The following TG variants were observed in gnomAD, a reference collection of about 807,000 sequenced individuals.
TG encodes the protein thyroid hormones.
In TG, 270 loss-of-function variants were observed where a neutral mutation model predicts 324.7. The observed-to-expected ratio is 0.83, with a 90% CI of 0.75 to 0.92. The LOEUF (loss-of-function observed/expected upper bound fraction) is 0.92, where lower values mean the gene tolerates loss of function less well. Among genes scored for constraint, TG ranks in the 40% least tolerant of loss-of-function variants. The pLI, the probability that TG is intolerant of heterozygous loss-of-function variation, is 0.00. For missense variants in TG, 3,591 were observed against 3,456.4 expected, an observed-to-expected ratio of 1.04 and a Z score of -0.98; for synonymous variants, 1,401 against 1,327.0, an observed-to-expected ratio of 1.06 and a Z score of -1.21.
intron 41 of TG, among the ~76,000 whole-genome samples, chr8:133,044,376 G>T (rs768398161): frequency 3.9e-5 from 6 of 152,048 alleles, no homozygotes; most frequent in Non-Finnish European, 7.4e-5. Flanking sequence ...GGAGAATTCA[G>T]ACCTCTCTCC....
At chr8:132,902,351 G>T (rs559537660) in intron 16 of TG, among the ~76,000 whole-genome samples, 18 of 152,084 alleles carry the variant, frequency 1.2e-4, no homozygotes, top group African/African-American at 4.1e-4. Flanking sequence ...ATTTAATTGG[G>T]TCTAGTGATA....
At chr8:133,056,117 T>G (rs1841405297) in intron 41 of TG, among the ~76,000 whole-genome samples, 2 of 152,222 alleles carry the variant, frequency 1.3e-5, no homozygotes, top group Non-Finnish European at 2.9e-5. Flanking sequence ...CACTCAGGTC[T>G]CCTTTGACAT....
intron 38 of TG, among the ~76,000 whole-genome samples, chr8:133,018,203 A>G (rs1351359032): frequency 1.3e-5 from 2 of 151,988 alleles, no homozygotes; most frequent in African/African-American, 4.8e-5. Flanking sequence ...GCTCATGTAA[A>G]GCCCATCAGG....
chr8:132,928,540 G>A (rs952739802), intron 22 of TG, among the ~76,000 whole-genome samples: 1 of 152,132 alleles, frequency 6.6e-6, no homozygotes, highest in African/African-American at 2.4e-5. Context: ...CTATCAAATG[G>A]AACTCAAGTG....
chr8:132,988,148 A>T (rs1228306559), intron 35 of TG, among the ~76,000 whole-genome samples: 1 of 151,876 alleles, frequency 6.6e-6, no homozygotes, highest in Non-Finnish European at 1.5e-5. Context: ...TCTAGACTCG[A>T]AAGTCCATCT....
intron 43 of TG, chr8:133,106,360 A>G (rs1437611950): frequency 5.1e-6 from 5 of 975,250 alleles, no homozygotes; most frequent in Middle Eastern, 5.2e-4. Context: ...CCTGGGGCCA[A>G]TGCAAGGACA....
At chr8:132,972,254 T>A in intron 33 of TG, 1 of 457,462 alleles carries the variant, frequency 2.2e-6, no homozygotes. Flanking sequence ...TTAATCTCCC[T>A]GAGCCTCTGT....
chr8:133,055,530 C>T (rs1340753444), intron 41 of TG, among the ~76,000 whole-genome samples: 1 of 152,092 alleles, frequency 6.6e-6, no homozygotes, highest in Admixed American at 6.6e-5. Context: ...ATGTAAAGGG[C>T]TGTGTTTGAG....
At chr8:133,038,941 A>C (rs954670978) in intron 41 of TG, among the ~76,000 whole-genome samples, 1 of 152,148 alleles carries the variant, frequency 6.6e-6, no homozygotes, top group Admixed American at 6.5e-5. Context: ...GCAGTGGTGC[A>C]ATCTCTGCTC....
chr8:133,013,578 C>G (rs1257903811), intron 36 of TG, 22 bp from the exon 37 acceptor site: 1 of 1,613,962 alleles, frequency 6.2e-7, no homozygotes, highest in South Asian at 1.1e-5. Flanking sequence ...CCAAGCATCA[C>G]TCTTCTCCCT....
Position 132,896,646 on chromosome 8 carries a change from A to G in TG, c.3002-1003A>G, listed in dbSNP as rs190830103. ...ACTGGGCCTGGTAAGACCCACACCA[A>G]ACTGATGTGTGTCCCACCCGCTGCC... On this transcript the variant is annotated intron_variant, in intron 11 of 47. Transcript: ENST00000220616. Among the ~76,000 whole-genome samples, 75 of 152,262 alleles carry G rather than the reference A, an allele frequency of 4.9e-4. 1 individual carries two copies. Among genetic ancestry groups the G allele is most frequent in the Middle Eastern group, 3.4e-3 (1 of 294 alleles).
intron 16 of TG, among the ~76,000 whole-genome samples, chr8:132,904,898 T>G (rs1016339992): frequency 4.6e-5 from 7 of 152,132 alleles, no homozygotes; most frequent in Admixed American, 1.3e-4. Flanking sequence ...AGCACACTGG[T>G]GGAGGATGTG....
Position 132,959,543 on chromosome 8 carries a change from G to A in TG, c.5402-1465G>A, listed in dbSNP as rs149051636. Among the ~76,000 whole-genome samples the A allele has an allele frequency of 6.0e-4, 92 of 152,240 alleles. No homozygotes were observed. In the East Asian group the frequency reaches 9.1e-3, roughly 15 times the overall value. On this transcript the variant is annotated intron_variant, in intron 27 of 47. Coordinates refer to ENST00000220616, the MANE Select transcript of TG (RefSeq NM_003235.5). ...ATATGTAAATAAAAGTATATAGAGCGTCTAGGCTTATGTAAGTACGCCCTA... is the reference window on the plus strand; with the variant it reads ...ATATGTAAATAAAAGTATATAGAGCATCTAGGCTTATGTAAGTACGCCCTA...
chr8:132,957,669 G>T (rs997499183), intron 27 of TG, among the ~76,000 whole-genome samples: 1 of 151,392 alleles, frequency 6.6e-6, no homozygotes, highest in South Asian at 2.1e-4. Context: ...AGGGGCAGGC[G>T]TGGGGATGTG....
chr8:132,886,639 C>T lies in TG; in HGVS notation c.1267C>T (p.Arg423Cys), dbSNP rs201039438. The change falls in exon 9 of 48, where the codon CGC becomes TGC. Residue 423 changes from arginine (R) to cysteine (C), a missense_variant. By Grantham distance (180) the Arg-to-Cys change is radical (BLOSUM62 -3). Coordinates refer to ENST00000220616, the MANE Select transcript of TG (RefSeq NM_003235.5). ...GCTCTTTGTGGACTCTGGGCTTCTC[C>T]GCCCAATGGTGGAGGGACAGAGCCA... ...KELFVDSGLL[R>C]PMVEGQSQQF... 191 of 1,614,190 alleles carry T rather than the reference C, an allele frequency of 1.2e-4. No individual in the cohort carries two copies. Among genetic ancestry groups the T allele is most frequent in the Non-Finnish European group, 1.4e-4 (164 of 1,180,042 alleles).
At chr8:132,979,099 T>C (rs1448488382) in intron 34 of TG, among the ~76,000 whole-genome samples, 1 of 152,090 alleles carries the variant, frequency 6.6e-6, no homozygotes, top group Non-Finnish European at 1.5e-5. Flanking sequence ...AGAGGAACTG[T>C]TCTAAGCCTC....
chr8:132,923,754 G>C (rs186175885), intron 22 of TG, among the ~76,000 whole-genome samples: 1 of 152,156 alleles, frequency 6.6e-6, no homozygotes, highest in East Asian at 1.9e-4. Flanking sequence ...CAGATATCAG[G>C]AACCCTTACT....
chr8:133,072,448 G>GGATA (rs1204912887), intron 41 of TG, among the ~76,000 whole-genome samples: 2 of 151,974 alleles, frequency 1.3e-5, no homozygotes, highest in African/African-American at 4.8e-5. Context: ...ATGGATAGAT[G>GGATA]GATAGATAGA....
Position 133,067,908 on chromosome 8 carries a change from AAGGAAGGAAAG to A in TG, c.7240-27133_7240-27123del, listed in dbSNP as rs1263540502. Among the ~76,000 whole-genome samples, 548 of 57,764 alleles carry A rather than the reference AAGGAAGGAAAG, an allele frequency of 9.5e-3. 7 individuals are homozygous for A. Among genetic ancestry groups the A allele is most frequent in the African/African-American group, 0.011 (210 of 19,974 alleles). 37.9% of individuals were successfully genotyped at this position (57,764 alleles called of 152,430 possible). A position where few individuals can be genotyped will look rare whatever the true frequency, so the allele number is the denominator to read the frequency against. On this transcript the variant is annotated intron_variant, in intron 41 of 47. Transcript: ENST00000220616. ...GAAGTATGTATGGAAGGAAGGAAGG[AAGGAAGGAAAG>A]AGAGAGAGAGAGAAAGAAAGAAAGA...
Sources: allele counts gnomAD v4.1 joint callset (sites outside exome capture counted in the v4.1 genomes callset), GRCh38; gene constraint gnomAD v4.1.1; transcripts MANE v1.5; gene names NCBI Gene and HGNC (gene_info 2026-07-23, HGNC 2026-07-21).